The following DNAH3 variants were observed in gnomAD, a reference collection of about 807,000 sequenced individuals.
The protein encoded by DNAH3 is dynein axonemal heavy chain 3.
In DNAH3, 332 loss-of-function variants were observed where a neutral mutation model predicts 432.5. That is an observed-to-expected ratio of 0.77 (90% CI 0.70 to 0.84). The LOEUF (loss-of-function observed/expected upper bound fraction) is 0.84, where lower values mean the gene tolerates loss of function less well. Ranked by LOEUF, DNAH3 falls within the 40% of genes least tolerant of loss-of-function variation. The probability of loss-of-function intolerance (pLI) is 0.00; values close to 1 mark genes in which losing one functional copy is unlikely to be tolerated. For missense variants in DNAH3, 4,861 were observed against 5,114.0 expected (o/e 0.95, Z 1.51); for synonymous variants, 1,956 against 1,900.2 (o/e 1.03, Z -0.76).
intron 51 of DNAH3, 98 bp from the exon 52 acceptor site, chr16:20,970,088 T>C (rs1271991368): frequency 8.9e-7 from 1 of 1,129,030 alleles, no homozygotes; most frequent in African/African-American, 1.5e-5. Context: ...AAGGAAGAGG[T>C]GCTTCCTCTT....
intron 47 of DNAH3, among the ~76,000 whole-genome samples, chr16:20,985,959 G>A (rs984075520): frequency 2.0e-5 from 3 of 151,848 alleles, no homozygotes; most frequent in Non-Finnish European, 2.9e-5. Flanking sequence ...GGGTTCAAGC[G>A]ATTCTCCCGC....
chr16:21,038,459 A>G (rs1362577332), intron 33 of DNAH3, among the ~76,000 whole-genome samples: 1 of 152,190 alleles, frequency 6.6e-6, no homozygotes, highest in Non-Finnish European at 1.5e-5. Flanking sequence ...TCAAGGCTGC[A>G]GTGAGCTGTG....
chr16:20,955,067 C>T lies in DNAH3; in HGVS notation c.10827-10G>A, dbSNP rs771580371. 1.9e-6 allele frequency: 3 copies of T among 1,593,392 alleles called. No individual in the cohort carries two copies. In the East Asian group the frequency reaches 6.7e-5, roughly 36 times the overall value. On this transcript the variant is annotated splice_polypyrimidine_tract_variant and intron_variant, in intron 54 of 61. Transcript: ENST00000261383. ...GCTGGTTAGCCAGAGTCTGGAAGAA[C>T]AATGGACCCAACGTTTTAGAGCAAT...
intron 7 of DNAH3, among the ~76,000 whole-genome samples, chr16:21,133,695 G>A (rs1344053801): frequency 2.7e-5 from 4 of 147,728 alleles, no homozygotes; most frequent in African/African-American, 5.0e-5. Flanking sequence ...AGCCAAGATC[G>A]CGCCATTGCA....
chr16:20,966,633 T>A (rs1409249220), intron 52 of DNAH3, among the ~76,000 whole-genome samples: 1 of 152,226 alleles, frequency 6.6e-6, no homozygotes. Flanking sequence ...GCCTGGTACT[T>A]AGTTATCAAT....
At chr16:21,065,621 T>A (rs573350784) in intron 24 of DNAH3, among the ~76,000 whole-genome samples, 3 of 152,174 alleles carry the variant, frequency 2.0e-5, no homozygotes, top group African/African-American at 7.2e-5. Flanking sequence ...ATTAGCCCCA[T>A]GTGGCTATTT....
At chr16:20,936,805 G>T (rs1170872590) in exon 60 of DNAH3, 1 of 1,613,520 alleles carries the variant, frequency 6.2e-7, no homozygotes, top group East Asian at 2.2e-5. Context: ...CCTGTCCTTT[G>T]ATGGCTCGGC....
At chr16:20,934,113 G>C (rs1408160608) in intron 61 of DNAH3, among the ~76,000 whole-genome samples, 1 of 151,998 alleles carries the variant, frequency 6.6e-6, no homozygotes, top group African/African-American at 2.4e-5. Context: ...AAGCATAGGA[G>C]AATAGGGAGG....
chr16:21,100,794 C>T (rs1019104641), intron 16 of DNAH3, among the ~76,000 whole-genome samples: 2 of 152,118 alleles, frequency 1.3e-5, no homozygotes, highest in Admixed American at 1.3e-4. Flanking sequence ...CTGCTAAGTG[C>T]CTTTTCACAT....
intron 31 of DNAH3, among the ~76,000 whole-genome samples, chr16:21,049,280 C>T (rs911274701): frequency 2.0e-5 from 3 of 152,174 alleles, no homozygotes; most frequent in Admixed American, 6.5e-5. Flanking sequence ...CCATTTCATG[C>T]TCATCTCTGT....
chr16:21,021,558 C>G (rs558351076), intron 40 of DNAH3, among the ~76,000 whole-genome samples: 1 of 152,104 alleles, frequency 6.6e-6, no homozygotes, highest in Non-Finnish European at 1.5e-5. Context: ...TGTTCTAGAT[C>G]AAACAGCCAG....
chr16:21,063,145 T>A (rs989883576), intron 24 of DNAH3: 7 of 154,534 alleles, frequency 4.5e-5, no homozygotes, highest in African/African-American at 1.4e-4. Flanking sequence ...GGAGCCCGGA[T>A]AGAACAGCAA....
chr16:21,134,060 T>C, intron 7 of DNAH3, 199 bp downstream of exon 8: 1 of 528,278 alleles, frequency 1.9e-6, no homozygotes, highest in Non-Finnish European at 3.3e-6. Context: ...CAGGGTGCCC[T>C]GGGGACACAA....
chr16:20,969,086 CTGTGTGTGTGTGTGTGTGTG>C (rs56928155), intron 52 of DNAH3, among the ~76,000 whole-genome samples: 377 of 146,466 alleles, frequency 2.6e-3, no homozygotes, highest in Non-Finnish European at 4.0e-3. Flanking sequence ...TTTTCTTTCT[CTGTGTGTGTGTGTGTGTGTG>C]TGTGTGTGTG....
chr16:21,084,054 C>T (rs941053426), intron 19 of DNAH3, among the ~76,000 whole-genome samples: 5 of 151,516 alleles, frequency 3.3e-5, no homozygotes, highest in African/African-American at 7.2e-5. Context: ...GCCTTTTTGA[C>T]TTTTCCAGGC....
intron 54 of DNAH3, 97 bp downstream of exon 54, chr16:20,959,082 C>T: frequency 7.6e-7 from 1 of 1,317,646 alleles, no homozygotes. Flanking sequence ...CTGAAAGTTT[C>T]TAAGGGGCAG....
chr16:21,118,718 T>C (rs2092265650), intron 11 of DNAH3, among the ~76,000 whole-genome samples: 1 of 152,214 alleles, frequency 6.6e-6, no homozygotes, highest in South Asian at 2.1e-4. Context: ...TGTAATTGTA[T>C]ATGAACCCTG....
At chr16:21,097,320 C>T (rs1207280094) in intron 18 of DNAH3, 35 bp downstream of exon 18, 1 of 1,611,636 alleles carries the variant, frequency 6.2e-7, no homozygotes, top group South Asian at 1.1e-5. Flanking sequence ...CCACCTCATC[C>T]CCATCTGTCC....
exon 48 of DNAH3, chr16:20,985,612 T>A: frequency 6.2e-7 from 1 of 1,614,226 alleles, no homozygotes; most frequent in Non-Finnish European, 8.5e-7. Flanking sequence ...AGTGATCTCA[T>A]CGTAGATTTT....
Sources: gnomAD v4.1 joint callset for allele counts (sites outside exome capture counted in the v4.1 genomes callset) on GRCh38, gnomAD v4.1.1 for gene constraint, MANE v1.5 for transcripts, NCBI Gene and HGNC (gene_info 2026-07-23, HGNC 2026-07-21) for gene names.